The following CCDC192 variants were observed in gnomAD, a reference collection of about 807,000 sequenced individuals.
CCDC192 encodes the protein coiled-coil domain containing 192, also known as coiled-coil domain-containing protein 192.
At chr5:127,813,291 A>G (rs999353921) in intron 5 of CCDC192, among the ~76,000 whole-genome samples, 3 of 152,188 alleles carry the variant, frequency 2.0e-5, no homozygotes, top group African/African-American at 4.8e-5. Context: ...TTCCTCTAGA[A>G]GCACCCTCAA....
At chr5:127,783,856 G>A (rs972054134) in intron 3 of CCDC192, among the ~76,000 whole-genome samples, 3 of 152,162 alleles carry the variant, frequency 2.0e-5, no homozygotes, top group African/African-American at 7.2e-5. Flanking sequence ...ATACTTTCCT[G>A]TTGGACAAGG....
intron 3 of CCDC192, among the ~76,000 whole-genome samples, chr5:127,780,140 T>TAC (rs1022061200): frequency 2.6e-5 from 4 of 152,058 alleles, no homozygotes; most frequent in East Asian, 3.9e-4. Flanking sequence ...CACATATATA[T>TAC]ACACACACAC....
chr5:127,917,551 T>A (rs1192094206), intron 6 of CCDC192, among the ~76,000 whole-genome samples: 2 of 152,198 alleles, frequency 1.3e-5, no homozygotes, highest in Non-Finnish European at 2.9e-5. Context: ...GGTTATTAAA[T>A]AGCCTAATTT....
At chr5:127,939,906 C>A (rs1373895812) in intron 6 of CCDC192, among the ~76,000 whole-genome samples, 1 of 152,242 alleles carries the variant, frequency 6.6e-6, no homozygotes, top group Non-Finnish European at 1.5e-5. Flanking sequence ...TTCATTCATA[C>A]ATGCCATAAG....
At chr5:127,880,075 G>A (rs1276890171) in intron 6 of CCDC192, among the ~76,000 whole-genome samples, 7 of 151,984 alleles carry the variant, frequency 4.6e-5, no homozygotes, top group Non-Finnish European at 8.8e-5. Context: ...CCATTACTGG[G>A]TATATACCCA....
At chr5:127,927,441 C>G (rs1179275282) in intron 6 of CCDC192, among the ~76,000 whole-genome samples, 2 of 151,550 alleles carry the variant, frequency 1.3e-5, no homozygotes, top group East Asian at 3.9e-4. Flanking sequence ...GGAACTATCC[C>G]CCGAGAATGA....
intron 6 of CCDC192, among the ~76,000 whole-genome samples, chr5:127,912,419 C>CAAAAATAAAAAAA (rs1753397678): frequency 1.2e-5 from 1 of 81,452 alleles, no homozygotes; most frequent in East Asian, 3.5e-4. Context: ...CTGGGTTTAG[C>CAAAAATAAAAAAA]AAAAAAAAAA....
chr5:127,870,703 C>T (rs1751816149), intron 5 of CCDC192, among the ~76,000 whole-genome samples: 1 of 152,148 alleles, frequency 6.6e-6, no homozygotes, highest in Admixed American at 6.5e-5. Flanking sequence ...AAATCAAAGG[C>T]CTGCCATGAA....
intron 3 of CCDC192, among the ~76,000 whole-genome samples, chr5:127,772,784 A>C (rs532635330): frequency 2.6e-5 from 4 of 152,230 alleles, no homozygotes; most frequent in Admixed American, 2.6e-4. Context: ...GACAAGGCCA[A>C]GCTCTCCTGA....
At chr5:127,809,381 A>T (rs370201472) in intron 5 of CCDC192, among the ~76,000 whole-genome samples, 2 of 152,204 alleles carry the variant, frequency 1.3e-5, no homozygotes, top group African/African-American at 4.8e-5. Flanking sequence ...TATGGCTTTT[A>T]TCTTTCTAAC....
intron 5 of CCDC192, among the ~76,000 whole-genome samples, chr5:127,820,797 T>G (rs1030630085): frequency 1.3e-5 from 2 of 152,192 alleles, no homozygotes; most frequent in Admixed American, 6.5e-5. Context: ...TATCATCTGT[T>G]TCCTTTATCA....
intron 2 of CCDC192, among the ~76,000 whole-genome samples, chr5:127,730,913 A>C (rs1019231415): frequency 6.6e-6 from 1 of 152,240 alleles, no homozygotes; most frequent in African/African-American, 2.4e-5. Flanking sequence ...CCAATATCAT[A>C]CTGAATGGGC....
intron 6 of CCDC192, among the ~76,000 whole-genome samples, chr5:127,933,379 T>A (rs952914080): frequency 1.3e-5 from 2 of 152,130 alleles, no homozygotes; most frequent in Non-Finnish European, 2.9e-5. Flanking sequence ...ACTTAAATAC[T>A]AGGCGAGAGG....
At chr5:127,877,953 G>C (rs1443697978) in intron 6 of CCDC192, among the ~76,000 whole-genome samples, 1 of 152,198 alleles carries the variant, frequency 6.6e-6, no homozygotes, top group African/African-American at 2.4e-5. Flanking sequence ...AACCAAGAGA[G>C]AGCATTGCAC....
At chr5:127,896,834 C>T (rs1196037629) in intron 6 of CCDC192, among the ~76,000 whole-genome samples, 1 of 152,226 alleles carries the variant, frequency 6.6e-6, no homozygotes, top group South Asian at 2.1e-4. Context: ...CACAAAGGAC[C>T]AATCCCATAA....
At chr5:127,853,134 T>A (rs936363167) in intron 5 of CCDC192, among the ~76,000 whole-genome samples, 2 of 152,028 alleles carry the variant, frequency 1.3e-5, no homozygotes, top group Non-Finnish European at 2.9e-5. Flanking sequence ...GTCTGAATCT[T>A]TGCACCAACC....
intron 6 of CCDC192, among the ~76,000 whole-genome samples, chr5:127,886,262 T>C (rs890873859): frequency 6.6e-6 from 1 of 152,188 alleles, no homozygotes; most frequent in Non-Finnish European, 1.5e-5. Context: ...CCGGGGCTAC[T>C]TTTTTCCCTG....
intron 2 of CCDC192, among the ~76,000 whole-genome samples, chr5:127,747,919 C>G (rs1753876650): frequency 6.6e-6 from 1 of 151,170 alleles, no homozygotes; most frequent in Non-Finnish European, 1.5e-5. Flanking sequence ...TGAGAAGTGT[C>G]TGTTCATGTC....
chr5:127,830,304 G>A (rs1415408451), intron 5 of CCDC192, among the ~76,000 whole-genome samples: 1 of 152,184 alleles, frequency 6.6e-6, no homozygotes, highest in African/African-American at 2.4e-5. Flanking sequence ...AGAGACTGAA[G>A]AAAAGGAATG....
Sources: allele counts gnomAD v4.1 joint callset (sites outside exome capture counted in the v4.1 genomes callset), GRCh38; gene constraint gnomAD v4.1.1; transcripts MANE v1.5; gene names NCBI Gene and HGNC (gene_info 2026-07-23, HGNC 2026-07-21).